EML5: variants seen among roughly 807,000 people sequenced by gnomAD.
EML5 encodes the protein EMAP like 5.
A neutral mutation model predicts 250.0 loss-of-function variants in EML5; 120 were observed. The observed-to-expected ratio is 0.48, with a 90% CI of 0.41 to 0.56. The LOEUF is 0.56. Ranked by LOEUF, EML5 falls within the 20% of genes least tolerant of loss-of-function variation. The probability of loss-of-function intolerance (pLI) is 0.00; values close to 1 mark genes in which losing one functional copy is unlikely to be tolerated. For missense variants in EML5, 2,006 were observed against 2,437.6 expected (o/e 0.82, Z 3.73); for synonymous variants, 771 against 806.5 (o/e 0.96, Z 0.75).
chr14:88,683,769 C>T (rs2092765810), intron 20 of EML5, among the ~76,000 whole-genome samples: 1 of 152,076 alleles, frequency 6.6e-6, no homozygotes, highest in Admixed American at 6.6e-5. Context: ...TGAAAATGCT[C>T]CACAAATTTG....
chr14:88,740,950 G>T (rs1156731928), intron 4 of EML5, among the ~76,000 whole-genome samples: 1 of 152,122 alleles, frequency 6.6e-6, no homozygotes, highest in East Asian at 1.9e-4. Flanking sequence ...ATCACCTGAG[G>T]TCAGGAGTTC....
chr14:88,700,898 A>G (rs1264220964), intron 14 of EML5, among the ~76,000 whole-genome samples: 1 of 152,198 alleles, frequency 6.6e-6, no homozygotes, highest in South Asian at 2.1e-4. Flanking sequence ...ACTAATGTCC[A>G]TAATGCATTC....
intron 1 of EML5, among the ~76,000 whole-genome samples, chr14:88,758,479 G>C (rs897105503): frequency 3.3e-5 from 5 of 152,176 alleles, no homozygotes; most frequent in African/African-American, 1.2e-4. Flanking sequence ...ACAGGCATGA[G>C]CCACCGCGCC....
intron 21 of EML5, among the ~76,000 whole-genome samples, chr14:88,680,391 C>T (rs1292952419): frequency 6.6e-6 from 1 of 151,952 alleles, no homozygotes; most frequent in African/African-American, 2.4e-5. Flanking sequence ...TCTATCCTGG[C>T]CTGGGTTCTC....
intron 12 of EML5, 22 bp downstream of exon 12, chr14:88,705,460 A>G (rs754132229): frequency 1.3e-6 from 2 of 1,531,884 alleles, no homozygotes; most frequent in Non-Finnish European, 1.8e-6. Flanking sequence ...TTAGAGAAAA[A>G]CCATGTGATA....
In EML5 at chr14:88,738,989, C is replaced by G. The variant is rs1434051115; in HGVS notation, c.737G>C (p.Cys246Ser). The change falls in exon 6 of 44, where the codon TGT (cysteine) becomes TCT (serine). Residue 246 changes from cysteine to serine, a missense_variant. Around this residue, in one of 7 missense-constraint regions of EML5, gnomAD observed 1,375 missense variants for 1,590.3 expected, o/e 0.86. Coordinates refer to ENST00000554922, the MANE Select transcript of EML5 (RefSeq NM_183387.3). ...HAAGIFSMNA[C>S]EEGFATGGRD... ...GCCACCAGTAGCAAAGCCTTCTTCA[C>G]AAGCATTCATGCTAAAAATTCCTGC... 5 of 1,606,442 alleles carry G rather than the reference C, an allele frequency of 3.1e-6. No individual in the cohort carries two copies. The highest frequency in any genetic ancestry group is 4.2e-6 in the Non-Finnish European group (5 of 1,177,678).
chr14:88,702,738 C>A, intron 13 of EML5, 106 bp from the exon 14 acceptor site: 1 of 814,114 alleles, frequency 1.2e-6, no homozygotes, highest in Non-Finnish European at 1.8e-6. Flanking sequence ...CATTCAATTT[C>A]CAGTTTTACA....
At chr14:88,746,453 G>A (rs2094005566) in intron 2 of EML5, among the ~76,000 whole-genome samples, 170 bp from the exon 3 acceptor site, 1 of 152,130 alleles carries the variant, frequency 6.6e-6, no homozygotes, top group Admixed American at 6.5e-5. Flanking sequence ...CCTTGTTAGT[G>A]TTTCCACATA....
At chr14:88,729,269 T>C (rs965058669) in intron 7 of EML5, among the ~76,000 whole-genome samples, 9 of 152,164 alleles carry the variant, frequency 5.9e-5, no homozygotes, top group Middle Eastern at 3.2e-3. Flanking sequence ...AGCATAACTG[T>C]CTTTTTTCTG....
chr14:88,781,897 G>A (rs770861735), intron 1 of EML5, among the ~76,000 whole-genome samples: 2 of 152,166 alleles, frequency 1.3e-5, no homozygotes, highest in African/African-American at 2.4e-5. Flanking sequence ...AGCAGTGTCA[G>A]AACGAACTAA....
intron 19 of EML5, 51 bp downstream of exon 19, chr14:88,687,165 A>G (rs2092851413): frequency 1.5e-6 from 2 of 1,334,922 alleles, no homozygotes; most frequent in Admixed American, 2.1e-5. Context: ...CACATTAATG[A>G]GCAATTAATC....
At chr14:88,637,512 T>C (rs2090807564) in intron 32 of EML5, among the ~76,000 whole-genome samples, 1 of 152,096 alleles carries the variant, frequency 6.6e-6, no homozygotes, top group South Asian at 2.1e-4. Context: ...GAAGCCAAGG[T>C]GGGAAATGAA....
intron 27 of EML5, among the ~76,000 whole-genome samples, chr14:88,651,035 T>A (rs932628351): frequency 4.6e-5 from 7 of 152,038 alleles, no homozygotes; most frequent in African/African-American, 1.7e-4. Flanking sequence ...CCATATTATC[T>A]CCTCACAAAT....
chr14:88,639,939 T>C (rs759160241), intron 31 of EML5, among the ~76,000 whole-genome samples: 1 of 151,914 alleles, frequency 6.6e-6, no homozygotes, highest in Non-Finnish European at 1.5e-5. Flanking sequence ...GTAGTAACAG[T>C]GAAGAGACCT....
chr14:88,685,825 G>A (rs2092820161), intron 19 of EML5, among the ~76,000 whole-genome samples: 1 of 151,982 alleles, frequency 6.6e-6, no homozygotes, highest in African/African-American at 2.4e-5. Flanking sequence ...CTGTTATACT[G>A]TATTTTTAAT....
At chr14:88,746,912 G>C (rs1353330916) in intron 2 of EML5, among the ~76,000 whole-genome samples, 2 of 152,132 alleles carry the variant, frequency 1.3e-5, no homozygotes, top group Non-Finnish European at 2.9e-5. Context: ...CCTTCACATG[G>C]TTGCTGGCCT....
At position 88,627,397 on chromosome 14, in the gene EML5, A is replaced by G; in HGVS notation, c.4531+249T>C. ...TAATAAATACATAGTTTCTTGCTGG[A>G]AGAAAATAGCAGTGAATCATTTATA... is the stretch of plus-strand genomic sequence containing the variant. On this transcript the variant is annotated intron_variant, in intron 34 of 43. Coordinates refer to ENST00000554922, the MANE Select transcript of EML5 (RefSeq NM_183387.3). The G allele has an allele frequency of 8.1e-6, 4 of 490,826 alleles. No individual in the cohort carries two copies. The South Asian group carries it at 1.2e-4, about 15-fold the overall frequency. The allele number at this position is 490,826 out of a possible 1,614,324, so 30.4% of individuals were successfully genotyped here.
intron 4 of EML5, among the ~76,000 whole-genome samples, chr14:88,741,901 T>G (rs923454958): frequency 1.8e-4 from 28 of 152,330 alleles, no homozygotes; most frequent in African/African-American, 6.7e-4. Flanking sequence ...TTATGATCAT[T>G]ATCTATTCAA....
intron 14 of EML5, among the ~76,000 whole-genome samples, chr14:88,702,166 T>C (rs1336265294): frequency 5.9e-5 from 9 of 152,086 alleles, no homozygotes; most frequent in Non-Finnish European, 1.0e-4. Flanking sequence ...TTTTCTCTAA[T>C]TTTACTAATT....
Sources: allele counts gnomAD v4.1 joint callset (sites outside exome capture counted in the v4.1 genomes callset), GRCh38; gene constraint gnomAD v4.1.1; regional missense constraint gnomAD v4.1.1; transcripts MANE v1.5; gene names NCBI Gene and HGNC (gene_info 2026-07-23, HGNC 2026-07-21).